MYO1E: variants seen among roughly 807,000 people sequenced by gnomAD.
MYO1E encodes unconventional myosin-Ie.
MYO1E carries 68 observed loss-of-function variants against 151.1 expected under a neutral mutation model. The observed-to-expected ratio is 0.45, with a 90% CI of 0.37 to 0.55. The LOEUF (loss-of-function observed/expected upper bound fraction) is 0.55, where lower values mean the gene tolerates loss of function less well. MYO1E is among the 20% of genes least tolerant of loss of function. MYO1E has a pLI of 0.00. For synonymous variants in MYO1E, 601 were observed against 501.7 expected (o/e 1.20, Z -2.64); for missense variants, 1,363 against 1,389.3 (o/e 0.98, Z 0.30).
chr15:59,297,000 CGGCT>C (rs2080453326), intron 1 of MYO1E, among the ~76,000 whole-genome samples: 1 of 46,878 alleles, frequency 2.1e-5, no homozygotes, highest in South Asian at 1.7e-3. Context: ...CTACCACGCC[CGGCT>C]AATCGCCCGG....
chr15:59,165,930 T>A (rs569552694), intron 22 of MYO1E, among the ~76,000 whole-genome samples: 17 of 152,372 alleles, frequency 1.1e-4, no homozygotes, highest in African/African-American at 4.1e-4. Context: ...TCATGCCTGG[T>A]GGCCTGGCTG....
chr15:59,199,410 C>T (rs923927436), intron 16 of MYO1E, among the ~76,000 whole-genome samples: 4 of 152,126 alleles, frequency 2.6e-5, no homozygotes, highest in Non-Finnish European at 5.9e-5. Flanking sequence ...TTGAGTACCC[C>T]TAATCTGAAA....
chr15:59,178,365 G>A (rs1596353645), intron 19 of MYO1E, 28 bp downstream of exon 19: 1 of 1,613,550 alleles, frequency 6.2e-7, no homozygotes, highest in African/African-American at 1.3e-5. Context: ...CGGGAGGGAA[G>A]AGAGTGGAGA....
At chr15:59,268,720 A>ATTGTTTTTTTTTTTTTTTTTT (rs2080271323) in intron 2 of MYO1E, among the ~76,000 whole-genome samples, 1 of 44,906 alleles carries the variant, frequency 2.2e-5, no homozygotes, top group African/African-American at 5.8e-5. Flanking sequence ...TGACTTTGGT[A>ATTGTTTTTTTTTTTTTTTTTT]TTTTTTTTTT....
intron 22 of MYO1E, among the ~76,000 whole-genome samples, chr15:59,164,053 A>T (rs1306657124): frequency 1.3e-5 from 2 of 152,182 alleles, no homozygotes; most frequent in Non-Finnish European, 2.9e-5. Flanking sequence ...CAGGTGTTAC[A>T]AGCTATAGGG....
intron 10 of MYO1E, 42 bp from the exon 11 acceptor site, chr15:59,214,762 C>A: frequency 6.6e-7 from 1 of 1,514,970 alleles, no homozygotes; most frequent in South Asian, 1.1e-5. Flanking sequence ...CCTTTCCATT[C>A]ATACTAAAAA....
chr15:59,371,989 G>A (rs2080948242), intron 1 of MYO1E, among the ~76,000 whole-genome samples: 1 of 149,738 alleles, frequency 6.7e-6, no homozygotes, highest in African/African-American at 2.4e-5. Flanking sequence ...GCTGCCAGGC[G>A]GGACAGCTGC....
intron 4 of MYO1E, among the ~76,000 whole-genome samples, chr15:59,253,423 G>A (rs1420339923): frequency 6.6e-6 from 1 of 151,676 alleles, no homozygotes; most frequent in Non-Finnish European, 1.5e-5. Flanking sequence ...CAGGCATGAA[G>A]TGCACAGCAT....
At chr15:59,364,394 C>T (rs1233102378) in intron 1 of MYO1E, among the ~76,000 whole-genome samples, 2 of 152,152 alleles carry the variant, frequency 1.3e-5, no homozygotes, top group African/African-American at 2.4e-5. Context: ...CTGACCACAG[C>T]GGTTCTAGTG....
chr15:59,292,554 G>T (rs1242198027), intron 1 of MYO1E, among the ~76,000 whole-genome samples: 1 of 152,198 alleles, frequency 6.6e-6, no homozygotes, highest in Non-Finnish European at 1.5e-5. Context: ...TTTCTATTCT[G>T]GTTTGCCCCA....
chr15:59,273,011 C>G (rs1348640411), intron 1 of MYO1E, among the ~76,000 whole-genome samples: 4 of 152,236 alleles, frequency 2.6e-5, no homozygotes, highest in Admixed American at 6.5e-5. Flanking sequence ...CCTTCATAAA[C>G]TTATCACTGT....
chr15:59,154,830 A>C (rs1239097605), intron 25 of MYO1E, among the ~76,000 whole-genome samples: 1 of 152,214 alleles, frequency 6.6e-6, no homozygotes, highest in African/African-American at 2.4e-5. Flanking sequence ...TATTGCAGAA[A>C]TATTTCATGC....
intron 4 of MYO1E, among the ~76,000 whole-genome samples, chr15:59,245,553 C>T (rs1224368830): frequency 6.6e-6 from 1 of 152,148 alleles, no homozygotes; most frequent in African/African-American, 2.4e-5. Flanking sequence ...ACTTTGCAAA[C>T]TGGTATTGGA....
rs112470053 is a variant in MYO1E at position 59,239,232 on chromosome 15, T to A, written c.333-2560A>T. ...AAAATATATATATATATATTTTTTT[T>A]ATTTTTTAAAATTTGTGTATTTCAG... is the stretch of plus-strand genomic sequence containing the variant. On this transcript the variant is annotated intron_variant, in intron 4 of 27. Transcript: ENST00000288235. Among the ~76,000 whole-genome samples, 39 of 99,180 alleles carry A rather than the reference T, an allele frequency of 3.9e-4. 1 individual carries two copies. Among genetic ancestry groups the A allele is most frequent in the Non-Finnish European group, 8.5e-4 (31 of 36,434 alleles). 65.1% of individuals were successfully genotyped at this position (99,180 alleles called of 152,430 possible).
chr15:59,308,734 G>A (rs1283997321), intron 1 of MYO1E, among the ~76,000 whole-genome samples: 1 of 80,548 alleles, frequency 1.2e-5, no homozygotes, highest in African/African-American at 3.6e-5. Flanking sequence ...AGCTACTCGG[G>A]AGGCTGAGGC....
At chr15:59,187,941 C>A (rs897387426) in intron 18 of MYO1E, among the ~76,000 whole-genome samples, 177 bp downstream of exon 18, 16 of 152,208 alleles carry the variant, frequency 1.1e-4, no homozygotes, top group African/African-American at 3.6e-4. Flanking sequence ...CAAAGGGAAG[C>A]GTGATTTCTT....
intron 4 of MYO1E, among the ~76,000 whole-genome samples, chr15:59,255,758 T>A (rs1221865311): frequency 6.6e-6 from 1 of 152,208 alleles, no homozygotes; most frequent in Non-Finnish European, 1.5e-5. Flanking sequence ...GAATTTGCTT[T>A]GGGCCACACT....
At chr15:59,327,397 C>T (rs1310122746) in intron 1 of MYO1E, among the ~76,000 whole-genome samples, 1 of 151,772 alleles carries the variant, frequency 6.6e-6, no homozygotes, top group African/African-American at 2.4e-5. Context: ...CAGCCTCGAC[C>T]TCCCAGGCTC....
At chr15:59,261,656 G>A (rs1244366860) in intron 2 of MYO1E, 147 bp from the exon 3 acceptor site, 12 of 637,440 alleles carry the variant, frequency 1.9e-5, no homozygotes, top group African/African-American at 1.8e-4. Context: ...AAGTAAAGAC[G>A]AAAGCAATCA....
Sources: gnomAD v4.1 joint callset for allele counts (sites outside exome capture counted in the v4.1 genomes callset) on GRCh38, gnomAD v4.1.1 for gene constraint, MANE v1.5 for transcripts, NCBI Gene and HGNC (gene_info 2026-07-23, HGNC 2026-07-21) for gene names.